Variants in TPP2 observed in about 807,000 individuals in gnomAD.
The protein encoded by TPP2 is tripeptidyl peptidase 2, also known as tripeptidyl-peptidase 2.
A neutral mutation model predicts 155.9 loss-of-function variants in TPP2; 34 were observed. The observed-to-expected ratio is 0.22, with a 90% CI of 0.17 to 0.29. The LOEUF (loss-of-function observed/expected upper bound fraction) is 0.29, where lower values mean the gene tolerates loss of function less well. Ranked by LOEUF, TPP2 falls within the 10% of genes least tolerant of loss-of-function variation. The pLI is 1.00. For missense variants in TPP2, 1,028 were observed against 1,522.3 expected (o/e 0.68, Z 5.40); for synonymous variants, 510 against 529.4 (o/e 0.96, Z 0.50).
chr13:102,649,441 T>C lies in TPP2; in HGVS notation c.2907T>C (p.Leu969=). 1 of 1,613,198 alleles carries C rather than the reference T, an allele frequency of 6.2e-7. No individual in the cohort carries two copies. The highest frequency in any genetic ancestry group is 8.5e-7 in the Non-Finnish European group (1 of 1,179,564). The change falls in exon 23 of 30, where the codon CTT becomes CTC. Residue 969 remains leucine, a synonymous_variant. Transcript: ENST00000376052. ...IPKGAGPGCY[L]AGSLTLSKTE... ...AAGGGGCAGGACCTGGATGCTATCT[T>C]GCAGGATCCTTAACATTGTCAAAGA...
At chr13:102,657,590 A>G (rs1213767123) in intron 25 of TPP2, among the ~76,000 whole-genome samples, 1 of 151,872 alleles carries the variant, frequency 6.6e-6, no homozygotes, top group African/African-American at 2.4e-5. Flanking sequence ...TTTTTCAGTT[A>G]CTTTTTTATT....
At chr13:102,662,254 G>A (rs963657399) in intron 25 of TPP2, among the ~76,000 whole-genome samples, 2 of 152,176 alleles carry the variant, frequency 1.3e-5, no homozygotes, top group African/African-American at 4.8e-5. Flanking sequence ...TTAGTGCTGG[G>A]GAGGCTGGGG....
chr13:102,636,374 G>A lies in TPP2; in HGVS notation c.1660G>A (p.Val554Ile), dbSNP rs747699185. 1 of 1,612,750 alleles carries A rather than the reference G, an allele frequency of 6.2e-7. No individual in the cohort carries two copies. Among genetic ancestry groups the A allele is most frequent in the Non-Finnish European group, 8.5e-7 (1 of 1,179,554 alleles). ...AGATCATGGCGTTGGCATTGAACCTGTATTTCCGGAGAACACAGGTCAGTA... is the reference window on the plus strand; with the variant it reads ...AGATCATGGCGTTGGCATTGAACCTATATTTCCGGAGAACACAGGTCAGTA... The part of the protein sequence containing the change: ...PSDHGVGIEP[V>I]FPENTENSEK... The change falls in exon 13 of 30, where the codon GTA becomes ATA. Residue 554 changes from valine (V) to isoleucine (I), a missense_variant. Coordinates refer to ENST00000376052, the MANE Select transcript of TPP2 (RefSeq NM_001330588.2).
chr13:102,637,306 C>G lies in TPP2; in HGVS notation c.1836+67C>G. On this transcript the variant is annotated intron_variant, in intron 14 of 29. Coordinates refer to ENST00000376052, the MANE Select transcript of TPP2 (RefSeq NM_001330588.2). ...ATGTTTAAAAGGTTAAAAAAAAATC[C>G]AAAGTATATTTGCAATATATTGCTT... is the stretch of plus-strand genomic sequence containing the variant. 6.6e-6 allele frequency: 10 copies of G among 1,510,294 alleles called. No homozygotes were observed. In the South Asian group the frequency reaches 1.0e-4, roughly 15 times the overall value. 93.6% of individuals were successfully genotyped at this position (1,510,294 alleles called of 1,614,324 possible).
rs9585955 is a variant in TPP2, at chr13:102,651,693, G to A, written c.2991+296G>A. Among the ~76,000 whole-genome samples, 1,104 of 149,878 alleles carry A rather than the reference G, an allele frequency of 7.4e-3. 13 individuals are homozygous for A. Among genetic ancestry groups the A allele is most frequent in the African/African-American group, 0.026 (1,067 of 40,792 alleles). ...GATATGATAACAAGTAGCAATATTT[G>A]AAATTTTTCATATTTACAATTTTAT... On this transcript the variant is annotated intron_variant, in intron 24 of 29. Coordinates refer to ENST00000376052, the MANE Select transcript of TPP2 (RefSeq NM_001330588.2).
chr13:102,667,841 A>C (rs1441941741), intron 27 of TPP2: 1 of 985,686 alleles, frequency 1.0e-6, no homozygotes. Context: ...TCTGCCCTGC[A>C]GACTCTGGCC....
Position 102,663,672 on chromosome 13 carries a change from C to T in TPP2, c.3168C>T (p.Asn1056=), listed in dbSNP as rs141975686. ...MTKLDSSDIY[N]ELKETYPNYL... is the part of the protein sequence containing the mutation. ...GGCTGGATTCTAGTGACATTTATAA[C>T]GAATTGAAAGAAACATATCCTAATT... Residue 1056 remains asparagine (N), a synonymous_variant, in exon 26 of 30, where the codon AAC becomes AAT. Transcript: ENST00000376052. The T allele has an allele frequency of 2.5e-4, 406 of 1,603,624 alleles. No homozygotes were observed. In the African/African-American group the frequency reaches 3.4e-3, roughly 13 times the overall value.
At position 102,651,416 on chromosome 13, in the gene TPP2, T is replaced by C; in HGVS notation, c.2991+19T>C. The C allele has an allele frequency of 6.4e-7, 1 of 1,568,036 alleles. No individual in the cohort carries two copies. On this transcript the variant is annotated intron_variant, in intron 24 of 29. Transcript: ENST00000376052. ...TAAAAAGGTACTGATTGTCAGTTCT[T>C]AAAAAAGATGTCTTAAAGCCTTATT...
chr13:102,637,960 G>A (rs979376465), intron 14 of TPP2, among the ~76,000 whole-genome samples: 8 of 152,190 alleles, frequency 5.3e-5, no homozygotes, highest in African/African-American at 1.9e-4. Flanking sequence ...GTTGTCTGTA[G>A]TACTAGTTTG....
In TPP2 at chr13:102,638,275, C is replaced by T; in HGVS notation, c.1873C>T (p.Pro625Ser). The T allele has an allele frequency of 6.2e-7, 1 of 1,612,944 alleles. No homozygotes were observed. The highest frequency in any genetic ancestry group is 8.5e-7 in the Non-Finnish European group (1 of 1,179,952). The change falls in exon 15 of 30, where the codon CCG becomes TCG. Residue 625 changes from proline (P) to serine (S), a missense_variant. Coordinates refer to ENST00000376052, the MANE Select transcript of TPP2 (RefSeq NM_001330588.2). ...GYDIASPNAG[P>S]LFRVPITAVI... Reference sequence around the variant, plus strand: ...TGATATAGCATCCCCTAACGCAGGTCCGCTCTTCAGAGTTCCGATCACTGC... The same window carrying T: ...TGATATAGCATCCCCTAACGCAGGTTCGCTCTTCAGAGTTCCGATCACTGC...
At chr13:102,666,964 A>G (rs1026327135) in intron 27 of TPP2, among the ~76,000 whole-genome samples, 2 of 151,740 alleles carry the variant, frequency 1.3e-5, no homozygotes, top group South Asian at 2.1e-4. Context: ...AAGAATTTCT[A>G]TTTCTCTCCA....
intron 27 of TPP2, among the ~76,000 whole-genome samples, chr13:102,665,467 C>T (rs1353941751): frequency 2.0e-5 from 3 of 151,982 alleles, no homozygotes; most frequent in Non-Finnish European, 4.4e-5. Flanking sequence ...TTTATAAAAC[C>T]TAATGCTGTG....
At chr13:102,620,586 T>G (rs536824803) in intron 5 of TPP2, among the ~76,000 whole-genome samples, 1 of 152,188 alleles carries the variant, frequency 6.6e-6, no homozygotes, top group Non-Finnish European at 1.5e-5. Flanking sequence ...TAAAGTGACC[T>G]ATTCTTTAAG....
intron 27 of TPP2, among the ~76,000 whole-genome samples, chr13:102,669,782 G>A (rs1945276154): frequency 6.6e-6 from 1 of 152,180 alleles, no homozygotes; most frequent in African/African-American, 2.4e-5. Flanking sequence ...GTCATAACCT[G>A]CAGGTCTGCT....
At chr13:102,634,796 A>G (rs1882261296) in intron 11 of TPP2, among the ~76,000 whole-genome samples, 1 of 152,142 alleles carries the variant, frequency 6.6e-6, no homozygotes, top group Non-Finnish European at 1.5e-5. Context: ...GGATCCTAAC[A>G]TGACCCTCTT....
chr13:102,619,820 G>A (rs74112119), intron 5 of TPP2, among the ~76,000 whole-genome samples: 22,780 of 152,176 alleles, frequency 0.15, 2,053 homozygotes, highest in African/African-American at 0.25. Flanking sequence ...GTGTGCATAT[G>A]CATACACGTT....
Position 102,674,550 on chromosome 13 carries a change from G to T in TPP2, c.3579+60G>T, listed in dbSNP as rs1284930734. On this transcript the variant is annotated intron_variant, in intron 28 of 29. Transcript: ENST00000376052. The stretch of plus-strand genomic sequence containing the variant: ...TGGGGTTACCTCACAGACCTCTCTT[G>T]TGCCCCATTGCTGGTTAAAAGAGGA... 2.6e-6 allele frequency: 4 copies of T among 1,534,136 alleles called. No individual in the cohort carries two copies. The Admixed American group carries it at 6.8e-5, about 26-fold the overall frequency.
intron 15 of TPP2, among the ~76,000 whole-genome samples, chr13:102,638,977 G>A (rs1046343955): frequency 6.6e-6 from 1 of 152,180 alleles, no homozygotes; most frequent in Admixed American, 6.5e-5. Context: ...GGCACTTGAG[G>A]ATTCTCAGGA....
At chr13:102,649,351 G>T in intron 22 of TPP2, 57 bp from the exon 23 acceptor site, 1 of 1,552,426 alleles carries the variant, frequency 6.4e-7, no homozygotes, top group East Asian at 2.3e-5. Flanking sequence ...CCCCTTACTT[G>T]TCTTTGTGAA....
Sources: gnomAD v4.1 joint callset for allele counts (sites outside exome capture counted in the v4.1 genomes callset) on GRCh38, gnomAD v4.1.1 for gene constraint, MANE v1.5 for transcripts, NCBI Gene and HGNC (gene_info 2026-07-23, HGNC 2026-07-21) for gene names.